FHL1: variants seen among roughly 807,000 people sequenced by gnomAD.
The protein encoded by FHL1 is four and a half LIM domains 1, also known as four and a half LIM domains protein 1.
In FHL1, 1 loss-of-function variant was observed where a neutral mutation model predicts 20.3. The ratio of observed to expected loss-of-function variants is 0.05; its 90% CI spans 0.02 to 0.23. FHL1 has a LOEUF of 0.23. Ranked by LOEUF, FHL1 falls within the 10% of genes least tolerant of loss-of-function variation. The pLI, the probability that FHL1 is intolerant of heterozygous loss-of-function variation, is 1.00. For missense variants in FHL1, 177 were observed against 234.0 expected, an observed-to-expected ratio of 0.76 and a Z score of 1.59; for synonymous variants, 82 against 88.9, an observed-to-expected ratio of 0.92 and a Z score of 0.44.
intron 1 of FHL1, among the ~76,000 whole-genome samples, chrX:136,163,944 C>T (rs1482846225): frequency 5.4e-5 from 6 of 111,977 alleles, no homozygotes; most frequent in African/African-American, 1.9e-4. Flanking sequence ...TCAAGCCTAT[C>T]AGTCAATTAA....
At chrX:136,160,481 A>G (rs747354590) in intron 1 of FHL1, among the ~76,000 whole-genome samples, 15 of 111,546 alleles carry the variant, frequency 1.3e-4, no homozygotes, top group African/African-American at 4.9e-4. Flanking sequence ...CAGGCTGGAA[A>G]ACAGTGACGA....
upstream of FHL1, chrX:136,147,335 CCGCG>C (rs778088020): frequency 1.1e-5 from 1 of 86,960 alleles, no homozygotes; most frequent in Non-Finnish European, 2.2e-5. Context: ...CGGCCGTCTC[CCGCG>C]CGCGCGCCCC....
At chrX:136,184,264 T>A (rs1396436839) in intron 2 of FHL1, among the ~76,000 whole-genome samples, 1 of 112,158 alleles carries the variant, frequency 8.9e-6, no homozygotes, top group Non-Finnish European at 1.9e-5. Flanking sequence ...ATGAAAGTCC[T>A]ATAACTAACC....
intron 4 of FHL1, 93 bp from the exon 5 acceptor site, chrX:136,208,362 A>C: frequency 1.1e-6 from 1 of 946,824 alleles, no homozygotes; most frequent in Non-Finnish European, 1.5e-6. Context: ...GAGATATTGT[A>C]TACCAAAGCG....
At chrX:136,159,551 C>A (rs1359540867) in intron 1 of FHL1, among the ~76,000 whole-genome samples, 6 of 111,530 alleles carry the variant, frequency 5.4e-5, no homozygotes, top group East Asian at 2.8e-4. Flanking sequence ...TAAATAAATA[C>A]ATAAATAAAT....
chrX:136,209,144 G>C, intron 5 of FHL1: 1 of 804,223 alleles, frequency 1.2e-6, no homozygotes, highest in African/African-American at 2.1e-5. Context: ...TCTCGCGGCC[G>C]CGATCCACGT....
chrX:136,201,528 ACCT>A (rs2073708792), intron 1 of FHL1, among the ~76,000 whole-genome samples: 1 of 110,844 alleles, frequency 9.0e-6, no homozygotes, highest in South Asian at 3.9e-4. Context: ...CCAATTACCC[ACCT>A]CCTGAGATCT....
intron 1 of FHL1, among the ~76,000 whole-genome samples, chrX:136,157,450 T>C (rs929253698): frequency 2.7e-5 from 3 of 112,053 alleles, no homozygotes; most frequent in African/African-American, 9.7e-5. Flanking sequence ...AGAGCCACTT[T>C]TAAAATATCA....
At chrX:136,146,835 C>T (rs1244202586), upstream of FHL1, 2 of 329,553 alleles carry the variant, frequency 6.1e-6, no homozygotes, top group South Asian at 2.6e-5. Context: ...GACGTTAAAA[C>T]GCTCTGGATG....
At chrX:136,161,272 C>T (rs916954411) in intron 1 of FHL1, among the ~76,000 whole-genome samples, 2 of 111,029 alleles carry the variant, frequency 1.8e-5, no homozygotes, top group African/African-American at 6.6e-5. Context: ...TTTGTCTTCC[C>T]CTCATTCTGT....
At chrX:136,157,119 C>T (rs181619788) in intron 1 of FHL1, among the ~76,000 whole-genome samples, 1 of 111,585 alleles carries the variant, frequency 9.0e-6, no homozygotes, top group African/African-American at 3.3e-5. Context: ...TCAACACGTT[C>T]TAGCAACTAC....
intron 2 of FHL1, among the ~76,000 whole-genome samples, chrX:136,172,037 C>T (rs1463368276): frequency 9.0e-6 from 1 of 110,667 alleles, no homozygotes; most frequent in Non-Finnish European, 1.9e-5. Context: ...TTACAAGCGT[C>T]TCTACATCAA....
intron 1 of FHL1, among the ~76,000 whole-genome samples, chrX:136,156,926 C>T (rs745328557): frequency 9.1e-6 from 1 of 110,088 alleles, no homozygotes; most frequent in Non-Finnish European, 1.9e-5. Flanking sequence ...CCTGCACTTT[C>T]GGGTGGCCAG....
intron 2 of FHL1, among the ~76,000 whole-genome samples, chrX:136,173,696 C>CTTT (rs971227072): frequency 1.1e-5 from 1 of 94,922 alleles, no homozygotes. Context: ...TGTTTCTTTT[C>CTTT]TTTTTTTTTT....
At chrX:136,198,724 C>T (rs981409285) in intron 1 of FHL1, among the ~76,000 whole-genome samples, 3 of 111,921 alleles carry the variant, frequency 2.7e-5, no homozygotes, top group African/African-American at 9.8e-5. Flanking sequence ...AGGACAAAAA[C>T]AATGTATACT....
At chrX:136,206,296 C>T in intron 1 of FHL1, 111 bp from the exon 2 acceptor site, 2 of 993,762 alleles carry the variant, frequency 2.0e-6, no homozygotes, top group Non-Finnish European at 2.9e-6. Flanking sequence ...GGTCTTGGTC[C>T]TCAGACCCCA....
At chrX:136,190,008 T>C (rs755562216) in intron 2 of FHL1, among the ~76,000 whole-genome samples, 21 of 111,998 alleles carry the variant, frequency 1.9e-4, no homozygotes, top group Non-Finnish European at 3.6e-4. Context: ...TTGAATGCAA[T>C]AGGACAATCA....
rs919175032 is a variant in FHL1, at chrX:136,208,766, T to C, written c.736+125T>C. ...GAGAATGCCCTTCTCCCCCTGCTATTGTGGTCCCAAAGGCCCCCCAAGAGT... is the reference window on the plus strand; with the variant it reads ...GAGAATGCCCTTCTCCCCCTGCTATCGTGGTCCCAAAGGCCCCCCAAGAGT... On this transcript the variant is annotated intron_variant, in intron 5 of 5. Coordinates refer to ENST00000370683, the MANE Select transcript of FHL1 (RefSeq NM_001159699.2). 1.1e-5 allele frequency: 8 copies of C among 707,046 alleles called. No individual in the cohort carries two copies. The Admixed American group carries it at 1.9e-4, about 17-fold the overall frequency. 58.3% of individuals were successfully genotyped at this position (707,046 alleles called of 1,213,427 possible). A position where few individuals can be genotyped will look rare whatever the true frequency, so the allele number is the denominator to read the frequency against.
chrX:136,178,146 T>TA (rs1456453912), intron 2 of FHL1, among the ~76,000 whole-genome samples: 6 of 111,914 alleles, frequency 5.4e-5, no homozygotes, highest in African/African-American at 1.6e-4. Flanking sequence ...TTTATCATCA[T>TA]CATTATCATT....
Sources: gnomAD v4.1 joint callset for allele counts (sites outside exome capture counted in the v4.1 genomes callset) on GRCh38, gnomAD v4.1.1 for gene constraint, MANE v1.5 for transcripts, NCBI Gene and HGNC (gene_info 2026-07-23, HGNC 2026-07-21) for gene names.